ZFP91: variants seen among roughly 807,000 people sequenced by gnomAD.
ZFP91 encodes E3 ubiquitin-protein ligase ZFP91.
ZFP91 carries 7 observed loss-of-function variants against 63.5 expected under a neutral mutation model. The observed-to-expected ratio is 0.11, with a 90% confidence interval of 0.06 to 0.21. The LOEUF (loss-of-function observed/expected upper bound fraction) is 0.21, where lower values mean the gene tolerates loss of function less well. ZFP91 is among the 10% of genes least tolerant of loss of function. The pLI is 1.00. For missense variants in ZFP91, 628 were observed against 736.6 expected (o/e 0.85, Z 1.71); for synonymous variants, 330 against 272.1 (o/e 1.21, Z -2.10).
intron 7 of ZFP91, 27 bp downstream of exon 7, chr11:58,612,355 T>C (rs2134421263): frequency 5.0e-6 from 8 of 1,610,862 alleles, no homozygotes; most frequent in East Asian, 2.2e-5. Flanking sequence ...CCTACTGTTT[T>C]ACACCTTATT....
In ZFP91 at chr11:58,616,712, A is replaced by C; in HGVS notation, c.1103-4A>C. 1 of 1,612,726 alleles carries C rather than the reference A, an allele frequency of 6.2e-7. No individual in the cohort carries two copies. The highest frequency in any genetic ancestry group is 8.5e-7 in the Non-Finnish European group (1 of 1,178,990). ...GAACACTAACCACAGTATTTTCTTCATAGATCAAAGGGATTATATCTGTGA... is the reference window on the plus strand; with the variant it reads ...GAACACTAACCACAGTATTTTCTTCCTAGATCAAAGGGATTATATCTGTGA... On this transcript the variant is annotated splice_polypyrimidine_tract_variant and splice_region_variant and intron_variant, in intron 9 of 10. Transcript: ENST00000316059.
Position 58,579,941 on chromosome 11 carries a change from C to T in ZFP91, c.341+319C>T, listed in dbSNP as rs907778166. 4.6e-5 allele frequency among the ~76,000 whole-genome samples: 7 copies of T among 152,194 alleles called. No individual in the cohort carries two copies. The South Asian group carries it at 6.2e-4, about 13-fold the overall frequency. ...TCCCTCTTTCTGGCATCCGCACCCC[C>T]TTTGTCACCCTATCCCTTTCCTTTA... On this transcript the variant is annotated intron_variant, in intron 1 of 10. Coordinates refer to ENST00000316059, the MANE Select transcript of ZFP91 (RefSeq NM_053023.5).
intron 1 of ZFP91, among the ~76,000 whole-genome samples, chr11:58,581,922 CAG>C (rs764192392): frequency 7.9e-5 from 12 of 152,304 alleles, no homozygotes; most frequent in Non-Finnish European, 1.3e-4. Context: ...CATTAGAAAA[CAG>C]TAGTGACAAT....
chr11:58,600,341 A>C (rs1855473295), intron 2 of ZFP91, among the ~76,000 whole-genome samples: 1 of 151,994 alleles, frequency 6.6e-6, no homozygotes, highest in Non-Finnish European at 1.5e-5. Flanking sequence ...AAAGGTAATC[A>C]TTTTCTTAAT....
chr11:58,587,962 T>C (rs1358657868), intron 2 of ZFP91, among the ~76,000 whole-genome samples: 1 of 152,160 alleles, frequency 6.6e-6, no homozygotes, highest in African/African-American at 2.4e-5. Flanking sequence ...GCTTCAGTTA[T>C]TAATGTTAGA....
At chr11:58,586,714 G>A (rs1043324186) in intron 2 of ZFP91, among the ~76,000 whole-genome samples, 2 of 152,052 alleles carry the variant, frequency 1.3e-5, no homozygotes, top group Admixed American at 1.3e-4. Flanking sequence ...TTCCTGTTGT[G>A]TTTCGTATTT....
chr11:58,599,667 G>A (rs935963320), intron 2 of ZFP91, among the ~76,000 whole-genome samples: 2 of 151,940 alleles, frequency 1.3e-5, no homozygotes, highest in Non-Finnish European at 2.9e-5. Flanking sequence ...TAGGTTCTTT[G>A]CCCATGTTTT....
intron 2 of ZFP91, among the ~76,000 whole-genome samples, chr11:58,606,210 C>T (rs1432496257): frequency 1.3e-5 from 2 of 151,976 alleles, no homozygotes; most frequent in African/African-American, 2.4e-5. Flanking sequence ...TACAGGGATG[C>T]GCTGCTACAA....
chr11:58,592,079 C>CTTTTT (rs34964779), intron 2 of ZFP91, among the ~76,000 whole-genome samples: 1 of 108,404 alleles, frequency 9.2e-6, no homozygotes, highest in Non-Finnish European at 1.9e-5. Context: ...CTGAGCACAT[C>CTTTTT]TTTTTTTTTT....
chr11:58,612,617 T>G (rs1407613031), intron 7 of ZFP91, 145 bp from the exon 8 acceptor site: 1 of 660,142 alleles, frequency 1.5e-6, no homozygotes, highest in East Asian at 2.7e-5. Context: ...ATACAAATTC[T>G]GTGTAATCTG....
chr11:58,584,443 C>T (rs1166787785), intron 1 of ZFP91, among the ~76,000 whole-genome samples: 1 of 152,052 alleles, frequency 6.6e-6, no homozygotes, highest in African/African-American at 2.4e-5. Flanking sequence ...ATCATTTCAT[C>T]TCTAGTTAGT....
chr11:58,602,233 G>C (rs1248713069), intron 2 of ZFP91, among the ~76,000 whole-genome samples: 1 of 152,054 alleles, frequency 6.6e-6, no homozygotes, highest in Non-Finnish European at 1.5e-5. Flanking sequence ...CAATATGTCT[G>C]TTTTTTAACA....
chr11:58,585,778 A>G (rs1156251509), intron 2 of ZFP91, among the ~76,000 whole-genome samples: 2 of 152,360 alleles, frequency 1.3e-5, no homozygotes, highest in East Asian at 1.9e-4. Flanking sequence ...TGTTCTTGAT[A>G]AATAATTCTT....
chr11:58,605,190 G>A (rs912045323), intron 2 of ZFP91, among the ~76,000 whole-genome samples: 9 of 152,112 alleles, frequency 5.9e-5, no homozygotes, highest in Admixed American at 3.9e-4. Context: ...ACATATCTCT[G>A]CTCTGTACTA....
chr11:58,598,804 C>A (rs1306261689), intron 2 of ZFP91, among the ~76,000 whole-genome samples: 1 of 150,234 alleles, frequency 6.7e-6, no homozygotes. Flanking sequence ...GTGAAATTCA[C>A]ATAACAAAAA....
intron 1 of ZFP91, among the ~76,000 whole-genome samples, chr11:58,584,573 T>A (rs1444813165): frequency 6.6e-6 from 1 of 152,188 alleles, no homozygotes; most frequent in African/African-American, 2.4e-5. Context: ...ATTCTAGCTC[T>A]GTGCTGTCAG....
At chr11:58,601,953 G>A (rs531766183) in intron 2 of ZFP91, among the ~76,000 whole-genome samples, 46 of 151,908 alleles carry the variant, frequency 3.0e-4, no homozygotes, top group East Asian at 5.8e-4. Flanking sequence ...ATGGAGTCTC[G>A]TTCTATCGCC....
intron 1 of ZFP91, among the ~76,000 whole-genome samples, chr11:58,583,497 A>G (rs1855153019): frequency 6.6e-6 from 1 of 151,732 alleles, no homozygotes; most frequent in South Asian, 2.1e-4. Flanking sequence ...AGAGGTGGTA[A>G]TATTCTGAAT....
At chr11:58,601,609 A>ATT (rs1236670108) in intron 2 of ZFP91, among the ~76,000 whole-genome samples, 6 of 141,758 alleles carry the variant, frequency 4.2e-5, no homozygotes, top group Admixed American at 1.4e-4. Flanking sequence ...CAGGCATGTG[A>ATT]TTTTTTTTTT....
Sources: gnomAD v4.1 joint callset for allele counts (sites outside exome capture counted in the v4.1 genomes callset) on GRCh38, gnomAD v4.1.1 for gene constraint, MANE v1.5 for transcripts, NCBI Gene and HGNC (gene_info 2026-07-23, HGNC 2026-07-21) for gene names.